Variants in DLG2 observed in about 807,000 individuals in gnomAD.
DLG2 encodes the protein discs large MAGUK scaffold protein 2, also known as disks large homolog 2.
In DLG2, 45 loss-of-function variants were observed where a neutral mutation model predicts 132.5. The ratio of observed to expected loss-of-function variants is 0.34; its 90% confidence interval spans 0.27 to 0.44. DLG2 has a LOEUF of 0.44. Ranked by LOEUF, DLG2 falls within the 20% of genes least tolerant of loss-of-function variation. DLG2 has a pLI of 1.00. For missense variants in DLG2, 1,045 were observed against 1,196.9 expected, an observed-to-expected ratio of 0.87 and a Z score of 1.87; for synonymous variants, 424 against 419.6, an observed-to-expected ratio of 1.01 and a Z score of -0.13.
At chr11:85,344,045 T>A (rs1354409057) in intron 3 of DLG2, among the ~76,000 whole-genome samples, 2 of 152,206 alleles carry the variant, frequency 1.3e-5, no homozygotes, top group Non-Finnish European at 2.9e-5. Flanking sequence ...CCAGGCAGAT[T>A]AGTAAGCACC....
chr11:84,071,387 G>A (rs1045161679), intron 10 of DLG2, among the ~76,000 whole-genome samples: 1 of 152,000 alleles, frequency 6.6e-6, no homozygotes, highest in Non-Finnish European at 1.5e-5. Context: ...TTACAGGCGC[G>A]AGCTACCATG....
intron 14 of DLG2, among the ~76,000 whole-genome samples, chr11:83,932,901 A>T (rs1175978590): frequency 6.6e-6 from 1 of 152,160 alleles, no homozygotes; most frequent in Non-Finnish European, 1.5e-5. Flanking sequence ...CGCATGGTTC[A>T]TCTGCCCTCA....
chr11:84,732,751 G>A (rs915311738), intron 6 of DLG2, among the ~76,000 whole-genome samples: 4 of 151,772 alleles, frequency 2.6e-5, no homozygotes, highest in Middle Eastern at 3.4e-3. Flanking sequence ...CCATTAACTC[G>A]TCATTTACAT....
intron 6 of DLG2, among the ~76,000 whole-genome samples, chr11:85,106,251 A>G (rs2071731580): frequency 6.6e-6 from 1 of 152,008 alleles, no homozygotes; most frequent in African/African-American, 2.4e-5. Context: ...GTGTTTTTAA[A>G]TGAAAAGGAA....
intron 6 of DLG2, among the ~76,000 whole-genome samples, chr11:85,080,135 C>G (rs1265148797): frequency 1.3e-5 from 2 of 151,984 alleles, no homozygotes; most frequent in Non-Finnish European, 2.9e-5. Flanking sequence ...TCTCACATGC[C>G]CACCTGTTCT....
intron 18 of DLG2, among the ~76,000 whole-genome samples, chr11:83,729,209 G>C (rs189227758): frequency 6.6e-6 from 1 of 152,260 alleles, no homozygotes; most frequent in Non-Finnish European, 1.5e-5. Context: ...TGCCACTAAG[G>C]ATAATATTGT....
At chr11:84,097,525 A>T (rs1052477240) in intron 10 of DLG2, among the ~76,000 whole-genome samples, 17 of 152,126 alleles carry the variant, frequency 1.1e-4, no homozygotes, top group Admixed American at 3.9e-4. Flanking sequence ...CAGAGTTAAG[A>T]CCAATAACTC....
At position 84,597,618 on chromosome 11, in the gene DLG2, C is replaced by T. The variant is rs367591194; in HGVS notation, c.358-62887G>A. ...CAAGAGAAAGGCTAAGATGATATGGCAGTGGCAACCATGAACCATTAAAGC... is the reference window on the plus strand; with the variant it reads ...CAAGAGAAAGGCTAAGATGATATGGTAGTGGCAACCATGAACCATTAAAGC... On this transcript the variant is annotated intron_variant, in intron 6 of 27. Transcript: ENST00000376104. Among the ~76,000 whole-genome samples the T allele has an allele frequency of 1.1e-4, 17 of 152,252 alleles. No homozygotes were observed. In the East Asian group the frequency reaches 3.3e-3, roughly 29 times the overall value.
chr11:84,899,773 A>G (rs1375218604), intron 6 of DLG2, among the ~76,000 whole-genome samples: 2 of 152,064 alleles, frequency 1.3e-5, no homozygotes, highest in African/African-American at 2.4e-5. Context: ...AGGTAAAGCT[A>G]TGCATTAGCT....
chr11:85,622,654 T>G (rs1015826321), intron 2 of DLG2, among the ~76,000 whole-genome samples: 10 of 152,006 alleles, frequency 6.6e-5, no homozygotes, highest in Non-Finnish European at 1.5e-5. Context: ...AATGACACTT[T>G]TATGAAGTAT....
At chr11:84,861,570 C>T (rs1209474228) in intron 6 of DLG2, among the ~76,000 whole-genome samples, 2 of 108,476 alleles carry the variant, frequency 1.8e-5, no homozygotes, top group Non-Finnish European at 3.8e-5. Context: ...GCAATAAAAG[C>T]CAAAATTGAC....
intron 7 of DLG2, among the ~76,000 whole-genome samples, chr11:84,431,297 C>G (rs1285281446): frequency 3.9e-5 from 6 of 152,090 alleles, no homozygotes; most frequent in African/African-American, 1.4e-4. Context: ...TAGAATCATA[C>G]AGGATGTCTA....
At chr11:85,310,222 CT>C (rs1291672744) in intron 3 of DLG2, among the ~76,000 whole-genome samples, 1 of 152,190 alleles carries the variant, frequency 6.6e-6, no homozygotes, top group East Asian at 1.9e-4. Context: ...TTGAGAATAT[CT>C]AACACCCTTT....
chr11:83,802,966 T>A (rs1334992464), intron 17 of DLG2, among the ~76,000 whole-genome samples: 2 of 152,122 alleles, frequency 1.3e-5, no homozygotes, highest in Admixed American at 1.3e-4. Flanking sequence ...TGAATATTTT[T>A]AAGTAAATAT....
intron 19 of DLG2, among the ~76,000 whole-genome samples, chr11:83,565,601 A>G (rs1163843833): frequency 1.3e-5 from 2 of 152,216 alleles, no homozygotes; most frequent in Admixed American, 1.3e-4. Flanking sequence ...TCAAATAATT[A>G]TTTAAATGTT....
At chr11:84,887,712 C>T (rs2088571474) in intron 6 of DLG2, among the ~76,000 whole-genome samples, 1 of 152,108 alleles carries the variant, frequency 6.6e-6, no homozygotes, top group Non-Finnish European at 1.5e-5. Context: ...AAAACTGAGG[C>T]TCAGACAGTT....
chr11:84,326,765 T>G (rs2098435209), intron 7 of DLG2, among the ~76,000 whole-genome samples: 1 of 152,174 alleles, frequency 6.6e-6, no homozygotes, highest in Non-Finnish European at 1.5e-5. Flanking sequence ...GTCCTCTGTT[T>G]CCTTATCAAT....
intron 7 of DLG2, among the ~76,000 whole-genome samples, chr11:84,278,630 T>C (rs953638112): frequency 1.2e-4 from 18 of 152,274 alleles, no homozygotes; most frequent in Admixed American, 4.6e-4. Flanking sequence ...GGATAATGCA[T>C]CATGACCAAG....
At chr11:83,693,440 A>T (rs2081331686) in intron 18 of DLG2, among the ~76,000 whole-genome samples, 1 of 152,130 alleles carries the variant, frequency 6.6e-6, no homozygotes. Flanking sequence ...GGCAACACGC[A>T]ATCAAACCGT....
Sources: gnomAD v4.1 joint callset for allele counts (sites outside exome capture counted in the v4.1 genomes callset) on GRCh38, gnomAD v4.1.1 for gene constraint, MANE v1.5 for transcripts, NCBI Gene and HGNC (gene_info 2026-07-23, HGNC 2026-07-21) for gene names.